The following KANK1 variants were observed in gnomAD, a reference collection of about 807,000 sequenced individuals.
KANK1 encodes the protein KN motif and ankyrin repeat domain-containing protein 1.
Under a neutral mutation model 106.2 loss-of-function variants are expected in KANK1, and 109 were observed. That is an observed-to-expected ratio of 1.03 (90% CI 0.88 to 1.20). The LOEUF is 1.20. KANK1 is among the 50% of genes most tolerant of loss of function. The probability of loss-of-function intolerance (pLI) is 0.00; values close to 1 mark genes in which losing one functional copy is unlikely to be tolerated. For missense variants in KANK1, 2,399 were observed against 1,710.7 expected (o/e 1.40, Z -7.10); for synonymous variants, 873 against 652.2 (o/e 1.34, Z -5.16).
intron 3 of KANK1, 22 bp from the exon 4 acceptor site, chr9:730,029 G>A (rs572106237): frequency 9.7e-5 from 156 of 1,606,868 alleles, no homozygotes; most frequent in Non-Finnish European, 1.1e-4. Flanking sequence ...CACACACTCT[G>A]TACCTTTCTT....
rs899353279 is a variant in KANK1, at chr9:728,684, C to T, written c.2699-1367C>T. On this transcript the variant is annotated intron_variant, in intron 3 of 11. Transcript: ENST00000382297. ...TAGAGGTCTGAAAAGTGACGTTTAC[C>T]ATCTATGTAGATGAAGCCTGCTACC... Among the ~76,000 whole-genome samples the T allele has an allele frequency of 5.3e-5, 8 of 152,148 alleles. No homozygotes were observed. The East Asian group carries it at 1.5e-3, about 29-fold the overall frequency.
At chr9:744,146 T>C (rs1485430619) in intron 10 of KANK1, among the ~76,000 whole-genome samples, 7 of 151,896 alleles carry the variant, frequency 4.6e-5, no homozygotes. Context: ...AATTGCAGAG[T>C]CTCTAAACAC....
chr9:631,721 C>A (rs1835795894), intron 1 of KANK1, among the ~76,000 whole-genome samples: 2 of 152,174 alleles, frequency 1.3e-5, no homozygotes, highest in African/African-American at 4.8e-5. Flanking sequence ...CTGTAGTCAT[C>A]CATCCCTTGC....
rs1342628784 is a variant in KANK1, at chr9:740,916, G to C, written c.3678G>C (p.Val1226=). The change falls in exon 9 of 12, where the codon GTG becomes GTC. Residue 1226 remains valine (V), a synonymous_variant. Transcript: ENST00000382297. ...AAGAACTCTTCGGCTGTGGGGATGT[G>C]AATGCCAAAGCTAGTCAGGTTAGTG... ...IVEELFGCGD[V]NAKASQAGQT... 6.2e-7 allele frequency: 1 copy of C among 1,614,200 alleles called. No homozygotes were observed. Among genetic ancestry groups the C allele is most frequent in the Admixed American group, 1.7e-5 (1 of 60,024 alleles).
chr9:715,348 A>G (rs1338789614), intron 3 of KANK1, among the ~76,000 whole-genome samples: 2 of 75,704 alleles, frequency 2.6e-5, no homozygotes, highest in African/African-American at 1.2e-4. Flanking sequence ...TCAAAATAAA[A>G]TTCTTAAATA....
At chr9:720,104 C>T (rs1386297561) in intron 3 of KANK1, among the ~76,000 whole-genome samples, 2 of 152,188 alleles carry the variant, frequency 1.3e-5, no homozygotes, top group Non-Finnish European at 2.9e-5. Flanking sequence ...AGATTTCTGT[C>T]ACTTGTTGTC....
chr9:522,644 C>G (rs576955411), intron 1 of KANK1, among the ~76,000 whole-genome samples: 12 of 151,760 alleles, frequency 7.9e-5, no homozygotes, highest in Non-Finnish European at 1.3e-4. Flanking sequence ...ATAATGGTTA[C>G]TTCTGCAGGG....
chr9:504,769 G>C lies in KANK1; in HGVS notation c.-84+15G>C, dbSNP rs1241448037. The C allele has an allele frequency of 3.2e-5, 1 of 31,446 alleles. No individual in the cohort carries two copies. Among genetic ancestry groups the C allele is most frequent in the African/African-American group, 1.4e-4 (1 of 6,952 alleles). 1.9% of individuals were successfully genotyped at this position (31,446 alleles called of 1,614,324 possible). On this transcript the variant is annotated intron_variant, in intron 1 of 11. Coordinates refer to ENST00000382297, the MANE Select transcript of KANK1 (RefSeq NM_015158.5). ...AGCGGCCGAAGGTGAGTGACGCGGC[G>C]GGGCCGTGCCGCGCCCCGTGCCGCG...
intron 1 of KANK1, among the ~76,000 whole-genome samples, chr9:675,408 A>G (rs1330124321): frequency 1.3e-5 from 2 of 152,196 alleles, no homozygotes; most frequent in South Asian, 2.1e-4. Flanking sequence ...GTTTGGGCAC[A>G]ATGGAAATGG....
chr9:571,564 TAA>T (rs59188995), intron 1 of KANK1, among the ~76,000 whole-genome samples: 2 of 136,866 alleles, frequency 1.5e-5, no homozygotes, highest in South Asian at 2.4e-4. Context: ...CACTTCTAAA[TAA>T]AAAAAAAAAA....
chr9:516,744 T>C (rs1354084155), intron 1 of KANK1, among the ~76,000 whole-genome samples: 1 of 151,656 alleles, frequency 6.6e-6, no homozygotes, highest in East Asian at 1.9e-4. Context: ...ACTTGTTGAA[T>C]GAATATGGAT....
At chr9:612,986 T>C (rs1463431239) in intron 1 of KANK1, among the ~76,000 whole-genome samples, 2 of 152,156 alleles carry the variant, frequency 1.3e-5, no homozygotes, top group East Asian at 1.9e-4. Flanking sequence ...ATGTGTTTTA[T>C]TTATATGTAC....
At chr9:568,969 C>T (rs1451567936) in intron 1 of KANK1, among the ~76,000 whole-genome samples, 2 of 152,094 alleles carry the variant, frequency 1.3e-5, no homozygotes, top group African/African-American at 4.8e-5. Flanking sequence ...GTATGTAGCT[C>T]ACTGTAGACA....
intron 1 of KANK1, among the ~76,000 whole-genome samples, chr9:664,006 A>G (rs1376667508): frequency 6.6e-6 from 1 of 152,030 alleles, no homozygotes; most frequent in African/African-American, 2.4e-5. Flanking sequence ...CTTGAATTGT[A>G]GTTCCCATAA....
At chr9:524,134 A>G (rs12352268) in intron 1 of KANK1, among the ~76,000 whole-genome samples, 43,482 of 151,548 alleles carry the variant, frequency 0.29, 7,256 homozygotes, top group East Asian at 0.4. Flanking sequence ...GGGACTCCCA[A>G]CTTACCTGAT....
At chr9:687,616 C>G (rs780322783) in intron 2 of KANK1, among the ~76,000 whole-genome samples, 1 of 152,040 alleles carries the variant, frequency 6.6e-6, no homozygotes, top group Non-Finnish European at 1.5e-5. Context: ...TGCCCTGTTC[C>G]CCAGTTAGTG....
intron 1 of KANK1, among the ~76,000 whole-genome samples, chr9:635,371 T>G (rs1836838466): frequency 6.6e-6 from 1 of 152,222 alleles, no homozygotes; most frequent in African/African-American, 2.4e-5. Context: ...TCTCTCTAGC[T>G]GGACCCTGAG....
chr9:579,635 G>C (rs1373694332), intron 1 of KANK1, among the ~76,000 whole-genome samples: 1 of 152,124 alleles, frequency 6.6e-6, no homozygotes, highest in Non-Finnish European at 1.5e-5. Flanking sequence ...GGTCCAGTGA[G>C]CCATGGTGGG....
intron 1 of KANK1, among the ~76,000 whole-genome samples, chr9:505,199 C>A (rs1395656126): frequency 3.3e-5 from 5 of 152,158 alleles, no homozygotes; most frequent in African/African-American, 2.4e-5. Flanking sequence ...GGGACCCTCT[C>A]TGAAGCGGCT....
Sources: gnomAD v4.1 joint callset for allele counts (sites outside exome capture counted in the v4.1 genomes callset) on GRCh38, gnomAD v4.1.1 for gene constraint, MANE v1.5 for transcripts, NCBI Gene and HGNC (gene_info 2026-07-23, HGNC 2026-07-21) for gene names.